Variants in FHIT observed in about 807,000 individuals in gnomAD.
FHIT encodes fragile histidine triad diadenosine triphosphatase.
In FHIT, 19 loss-of-function variants were observed where a neutral mutation model predicts 17.9. The ratio of observed to expected loss-of-function variants is 1.06; its 90% CI spans 0.74 to 1.56. The LOEUF is 1.56. Among genes scored for constraint, FHIT ranks in the 40% most tolerant of loss-of-function variants. The pLI, the probability that FHIT is intolerant of heterozygous loss-of-function variation, is 0.00. For missense variants in FHIT, 248 were observed against 189.2 expected, an observed-to-expected ratio of 1.31 and a Z score of -1.82; for synonymous variants, 81 against 69.7, an observed-to-expected ratio of 1.16 and a Z score of -0.81.
At chr3:60,056,453 G>A (rs954722982) in intron 5 of FHIT, among the ~76,000 whole-genome samples, 2 of 152,168 alleles carry the variant, frequency 1.3e-5, no homozygotes, top group Non-Finnish European at 2.9e-5. Flanking sequence ...AGTAAGTTTT[G>A]TAAGAGAAAC....
At chr3:61,207,032 T>C (rs1182188858) in intron 1 of FHIT, among the ~76,000 whole-genome samples, 2 of 151,998 alleles carry the variant, frequency 1.3e-5, no homozygotes, top group Non-Finnish European at 2.9e-5. Context: ...GCATGAAGAG[T>C]TGTTGAATTT....
At chr3:61,066,072 C>T (rs1364093202) in intron 2 of FHIT, among the ~76,000 whole-genome samples, 1 of 152,170 alleles carries the variant, frequency 6.6e-6, no homozygotes, top group Non-Finnish European at 1.5e-5. Flanking sequence ...TGTAATAAGG[C>T]ACCACATGAT....
intron 5 of FHIT, among the ~76,000 whole-genome samples, chr3:60,352,336 C>T (rs942058077): frequency 3.3e-5 from 5 of 152,086 alleles, no homozygotes; most frequent in East Asian, 3.9e-4. Context: ...CAAAACAATA[C>T]GAAACTAAGA....
chr3:60,149,070 C>T (rs1700354368), intron 5 of FHIT, among the ~76,000 whole-genome samples: 1 of 152,200 alleles, frequency 6.6e-6, no homozygotes, highest in Non-Finnish European at 1.5e-5. Flanking sequence ...TTCCTTTGGA[C>T]ACTATAACCC....
intron 4 of FHIT, among the ~76,000 whole-genome samples, chr3:60,609,574 C>T (rs1192664297): frequency 1.3e-5 from 2 of 152,150 alleles, no homozygotes; most frequent in African/African-American, 2.4e-5. Context: ...ACTCACCCAC[C>T]TCGGCCTCCC....
chr3:60,674,834 A>G (rs1348625210), intron 4 of FHIT, among the ~76,000 whole-genome samples: 1 of 152,166 alleles, frequency 6.6e-6, no homozygotes. Flanking sequence ...TGCCCTGCTT[A>G]TACATAGTCA....
chr3:60,147,693 T>TC (rs969427741), intron 5 of FHIT, among the ~76,000 whole-genome samples: 41 of 152,258 alleles, frequency 2.7e-4, no homozygotes, highest in African/African-American at 9.9e-4. Flanking sequence ...CAAATTTTTT[T>TC]CCCCCTAAGA....
chr3:60,570,661 T>C (rs1430526810), intron 4 of FHIT, among the ~76,000 whole-genome samples: 3 of 151,126 alleles, frequency 2.0e-5, no homozygotes, highest in Non-Finnish European at 4.4e-5. Flanking sequence ...CAGAGTCATA[T>C]ACTTCAGAAG....
intron 5 of FHIT, among the ~76,000 whole-genome samples, chr3:60,501,519 T>C (rs1469275188): frequency 1.3e-5 from 2 of 152,200 alleles, no homozygotes; most frequent in Admixed American, 1.3e-4. Flanking sequence ...CCTCTCACAG[T>C]TGACTCACAG....
chr3:60,525,203 C>A (rs1048206242), intron 5 of FHIT, among the ~76,000 whole-genome samples: 4 of 152,168 alleles, frequency 2.6e-5, no homozygotes, highest in Non-Finnish European at 5.9e-5. Context: ...TACATTGATA[C>A]TTTGTTGGCT....
At chr3:61,034,142 A>G (rs1338764255) in intron 3 of FHIT, among the ~76,000 whole-genome samples, 1 of 152,224 alleles carries the variant, frequency 6.6e-6, no homozygotes, top group Non-Finnish European at 1.5e-5. Context: ...TCTAAATATA[A>G]GTGCTAAACT....
chr3:60,390,735 A>G (rs969317530), intron 5 of FHIT, among the ~76,000 whole-genome samples: 7 of 152,152 alleles, frequency 4.6e-5, no homozygotes, highest in African/African-American at 1.7e-4. Context: ...TAAAAAGAAA[A>G]AAAACAAAAT....
intron 3 of FHIT, among the ~76,000 whole-genome samples, chr3:60,995,655 AG>A (rs762583020): frequency 3.3e-5 from 5 of 152,174 alleles, no homozygotes; most frequent in Non-Finnish European, 5.9e-5. Context: ...ACATAAACCA[AG>A]GTGCTACTCC....
intron 4 of FHIT, among the ~76,000 whole-genome samples, chr3:60,542,828 C>T (rs996927623): frequency 5.3e-5 from 8 of 152,112 alleles, no homozygotes; most frequent in African/African-American, 1.9e-4. Flanking sequence ...CCCTCTCTAC[C>T]ATAAGTTTGC....
chr3:59,961,951 C>T (rs182684679), intron 7 of FHIT, among the ~76,000 whole-genome samples: 1 of 152,290 alleles, frequency 6.6e-6, no homozygotes, highest in Non-Finnish European at 1.5e-5. Context: ...GTATCCTTCC[C>T]CTACAATCCT....
chr3:60,367,386 G>T (rs892696988), intron 5 of FHIT, among the ~76,000 whole-genome samples: 2 of 152,132 alleles, frequency 1.3e-5, no homozygotes, highest in African/African-American at 4.8e-5. Flanking sequence ...TTACATTTTA[G>T]TGAATTTTCT....
intron 4 of FHIT, among the ~76,000 whole-genome samples, chr3:60,799,649 G>C (rs1701115977): frequency 6.6e-6 from 1 of 152,124 alleles, no homozygotes; most frequent in Non-Finnish European, 1.5e-5. Flanking sequence ...TCTGGCTACA[G>C]TGTTTCTCCT....
intron 5 of FHIT, among the ~76,000 whole-genome samples, chr3:60,099,254 C>A (rs1370484686): frequency 6.6e-6 from 1 of 152,164 alleles, no homozygotes; most frequent in African/African-American, 2.4e-5. Flanking sequence ...CATCTACCAA[C>A]CAAGAATTTT....
At chr3:60,853,511 A>G (rs566816925) in intron 3 of FHIT, among the ~76,000 whole-genome samples, 1 of 152,172 alleles carries the variant, frequency 6.6e-6, no homozygotes, top group East Asian at 1.9e-4. Flanking sequence ...GGGTGAAGCC[A>G]CTTCAGCCCA....
Sources: allele counts gnomAD v4.1 joint callset (sites outside exome capture counted in the v4.1 genomes callset), GRCh38; gene constraint gnomAD v4.1.1; transcripts MANE v1.5; gene names NCBI Gene and HGNC (gene_info 2026-07-23, HGNC 2026-07-21).